Variants in RP1L1 observed in about 807,000 individuals in gnomAD.
RP1L1 encodes retinitis pigmentosa 1-like 1 protein.
RP1L1 carries 27 observed loss-of-function variants against 15.7 expected under a neutral mutation model. The observed-to-expected ratio is 1.72, with a 90% CI of 1.27 to 2.38. The LOEUF (loss-of-function observed/expected upper bound fraction) is 2.38. Ranked by LOEUF, RP1L1 falls within the 30% of genes most tolerant of loss-of-function variation. The pLI is 0.00. For synonymous variants in RP1L1, 1,813 were observed against 1,276.7 expected, an observed-to-expected ratio of 1.42 and a Z score of -8.96; for missense variants, 4,798 against 3,075.9, an observed-to-expected ratio of 1.56 and a Z score of -13.24.
At chr8:10,653,809 A>C (rs571811467) in intron 1 of RP1L1, among the ~76,000 whole-genome samples, 191 of 152,302 alleles carry the variant, frequency 1.3e-3, no homozygotes, top group African/African-American at 4.5e-3. Context: ...GAGAGGGTAA[A>C]TAAAGAACGA....
intron 1 of RP1L1, among the ~76,000 whole-genome samples, chr8:10,640,664 A>T (rs894546584): frequency 3.3e-5 from 5 of 150,772 alleles, no homozygotes; most frequent in African/African-American, 9.7e-5. Flanking sequence ...AAATAATAAT[A>T]ATAATTATTA....
chr8:10,641,570 T>C (rs1212816575), intron 1 of RP1L1, among the ~76,000 whole-genome samples: 1 of 152,260 alleles, frequency 6.6e-6, no homozygotes, highest in Non-Finnish European at 1.5e-5. Flanking sequence ...ATGGCACCTA[T>C]AGGTTAAAGA....
intron 1 of RP1L1, among the ~76,000 whole-genome samples, chr8:10,640,321 G>A (rs1798388200): frequency 6.6e-6 from 1 of 152,172 alleles, no homozygotes; most frequent in Admixed American, 6.5e-5. Context: ...TCAAAGAAAA[G>A]ATCAAGATTA....
At chr8:10,618,431 C>G (rs11783848) in intron 2 of RP1L1, among the ~76,000 whole-genome samples, 4,518 of 152,304 alleles carry the variant, frequency 0.03, 72 homozygotes, top group Middle Eastern at 0.075. Flanking sequence ...TGCTTCAACC[C>G]TGGAAGCGGA....
intron 1 of RP1L1, among the ~76,000 whole-genome samples, chr8:10,648,403 T>C (rs902409730): frequency 3.9e-5 from 6 of 152,136 alleles, no homozygotes; most frequent in African/African-American, 2.4e-5. Context: ...CTATTGTTTT[T>C]CAGTTTAGAT....
chr8:10,633,535 C>T (rs1293154974), intron 1 of RP1L1, among the ~76,000 whole-genome samples: 3 of 152,204 alleles, frequency 2.0e-5, no homozygotes, highest in Admixed American at 6.5e-5. Flanking sequence ...CAAACACCCT[C>T]GATGACTCTA....
chr8:10,611,214 CCAG>C lies in RP1L1; in HGVS notation c.2881_2883del (p.Leu961del). On this transcript the variant is annotated inframe_deletion, in exon 4 of 4. Coordinates refer to ENST00000382483, the MANE Select transcript of RP1L1 (RefSeq NM_178857.6). The stretch of plus-strand genomic sequence containing the variant: ...AGTATGGGCTCTTCTGGAATGTTGT[CCAG>C]CCATTCGCGGACCACAGCCTCTGGA... The C allele has an allele frequency of 6.2e-7, 1 of 1,613,020 alleles. No individual in the cohort carries two copies. The highest frequency in any genetic ancestry group is 1.7e-5 in the Admixed American group (1 of 60,034).
Position 10,611,747 on chromosome 8 carries a change from C to G in RP1L1, c.2351G>C (p.Cys784Ser). 1 of 1,613,598 alleles carries G rather than the reference C, an allele frequency of 6.2e-7. No individual in the cohort carries two copies. The highest frequency in any genetic ancestry group is 8.5e-7 in the Non-Finnish European group (1 of 1,179,954). ...CAGGCTGGCAGCCCCAGATTTTGAG[C>G]AGGAGTCGGATGTGTGGGGAGGTAT... is the stretch of plus-strand genomic sequence containing the variant. ...APIPPHTSDS[C>S]SKSGAASLGE... The change falls in exon 4 of 4, where the codon TGC (cysteine) becomes TCC (serine). Residue 784 changes from cysteine (C) to serine (S), a missense_variant. Physicochemically the swap from Cys to Ser is moderately radical, Grantham distance 112 (BLOSUM62 -1). Transcript: ENST00000382483.
chr8:10,641,043 C>G (rs899764575), intron 1 of RP1L1, among the ~76,000 whole-genome samples: 2 of 152,188 alleles, frequency 1.3e-5, no homozygotes, highest in Non-Finnish European at 2.9e-5. Context: ...GTAGCTGGGA[C>G]TACAGGCATA....
chr8:10,634,403 C>T (rs1385180997), intron 1 of RP1L1, among the ~76,000 whole-genome samples: 1 of 152,138 alleles, frequency 6.6e-6, no homozygotes, highest in Admixed American at 6.5e-5. Context: ...TCATCATCAG[C>T]ATCTGTGAGG....
At chr8:10,613,498 T>TAATC in intron 3 of RP1L1, 152 bp from the exon 4 acceptor site, 1 of 1,201,990 alleles carries the variant, frequency 8.3e-7, no homozygotes, top group Non-Finnish European at 1.2e-6. Flanking sequence ...GCGCGGTGGC[T>TAATC]CAGGCCTGTA....
At chr8:10,648,181 G>C (rs1166125735) in intron 1 of RP1L1, among the ~76,000 whole-genome samples, 1 of 152,008 alleles carries the variant, frequency 6.6e-6, no homozygotes, top group Non-Finnish European at 1.5e-5. Context: ...ATAGGCATGT[G>C]CCACCATGCC....
At chr8:10,622,336 A>AG (rs1798073345) in intron 2 of RP1L1, among the ~76,000 whole-genome samples, 1 of 99,080 alleles carries the variant, frequency 1.0e-5, no homozygotes, top group African/African-American at 3.3e-5. Context: ...AAACAAAGCC[A>AG]AAAAAAAAAA....
intron 2 of RP1L1, among the ~76,000 whole-genome samples, chr8:10,618,279 C>T (rs902691956): frequency 2.0e-5 from 3 of 152,096 alleles, no homozygotes; most frequent in African/African-American, 7.2e-5. Context: ...GTGGGTAGAT[C>T]CCTGGAGCCC....
intron 1 of RP1L1, among the ~76,000 whole-genome samples, chr8:10,644,490 T>C (rs916346322): frequency 1.4e-4 from 21 of 152,192 alleles, no homozygotes; most frequent in African/African-American, 4.6e-4. Context: ...CCCTTAGCTG[T>C]GCAGAGAATT....
chr8:10,611,965 G>GGTGCTCGATGAGCTTCCAGAATATCGT lies in RP1L1; in HGVS notation c.2106_2132dup (p.Tyr704_Arg712dup). On this transcript the variant is annotated inframe_insertion, in exon 4 of 4. Transcript: ENST00000382483. ...TCAGGTTCCCAGAGGCCTGTGTCCT[G>GGTGCTCGATGAGCTTCCAGAATATCGT]GTGCTCGATGAGCTTCCAGAATATC... The GGTGCTCGATGAGCTTCCAGAATATCGT allele has an allele frequency of 6.2e-7, 1 of 1,613,892 alleles. No individual in the cohort carries two copies. Among genetic ancestry groups the GGTGCTCGATGAGCTTCCAGAATATCGT allele is most frequent in the Non-Finnish European group, 8.5e-7 (1 of 1,180,038 alleles).
At chr8:10,613,462 C>T (rs1267507908) in intron 3 of RP1L1, 116 bp from the exon 4 acceptor site, 1 of 1,424,360 alleles carries the variant, frequency 7.0e-7, no homozygotes, top group Non-Finnish European at 9.6e-7. Context: ...ATCACCACTG[C>T]CTCCAAAATG....
Position 10,610,899 on chromosome 8 carries a change from C to T in RP1L1, c.3199G>A (p.Gly1067Ser), listed in dbSNP as rs1797836118. 6.2e-7 allele frequency: 1 copy of T among 1,610,792 alleles called. No individual in the cohort carries two copies. The highest frequency in any genetic ancestry group is 1.7e-5 in the Admixed American group (1 of 59,792). ...EAGADREAPA[G>S]CRVSLRALPG... ...AGTGCCCGCAGGCTCACCCTGCAGC[C>T]TGCTGGGGCCTCTCTGTCTGCTCCG... The change falls in exon 4 of 4, where the codon GGC becomes AGC. Residue 1067 changes from glycine to serine, a missense_variant. By Grantham distance (56) the Gly-to-Ser change is moderately conservative. Coordinates refer to ENST00000382483, the MANE Select transcript of RP1L1 (RefSeq NM_178857.6).
At chr8:10,616,347 A>C (rs1394244716) in intron 3 of RP1L1, 99 bp downstream of exon 3, 1 of 1,510,774 alleles carries the variant, frequency 6.6e-7, no homozygotes, top group African/African-American at 1.4e-5. Context: ...TCTGGGGCCA[A>C]AGGGAAGTTT....
Sources: allele counts gnomAD v4.1 joint callset (sites outside exome capture counted in the v4.1 genomes callset), GRCh38; gene constraint gnomAD v4.1.1; transcripts MANE v1.5; gene names NCBI Gene and HGNC (gene_info 2026-07-23, HGNC 2026-07-21).